Variants in LIMCH1 observed in about 807,000 individuals in gnomAD.
The protein encoded by LIMCH1 is LIM and calponin homology domains-containing protein 1.
A neutral mutation model predicts 176.5 loss-of-function variants in LIMCH1; 113 were observed. That is an observed-to-expected ratio of 0.64 (90% CI 0.55 to 0.75). The LOEUF (loss-of-function observed/expected upper bound fraction) is 0.75. LIMCH1 is among the 30% of genes least tolerant of loss of function. LIMCH1 has a pLI of 0.00. For missense variants in LIMCH1, 1,674 were observed against 1,814.9 expected (o/e 0.92, Z 1.41); for synonymous variants, 619 against 645.9 (o/e 0.96, Z 0.63).
chr4:41,561,485 T>A (rs1469061097), intron 1 of LIMCH1, among the ~76,000 whole-genome samples: 1 of 152,214 alleles, frequency 6.6e-6, no homozygotes, highest in Non-Finnish European at 1.5e-5. Flanking sequence ...CTAATTAGAA[T>A]GTATAGTCGC....
intron 1 of LIMCH1, among the ~76,000 whole-genome samples, chr4:41,474,462 G>C (rs2067433977): frequency 6.6e-6 from 1 of 152,198 alleles, no homozygotes. Context: ...TGTCCAGCCT[G>C]GGCGACAGAG....
At position 41,687,896 on chromosome 4, in the gene LIMCH1, C is replaced by T. The variant is rs140341643; in HGVS notation, c.4145C>T (p.Pro1382Leu). The change falls in exon 29 of 32, where the codon CCT becomes CTT. Residue 1382 changes from proline to leucine, a missense_variant. Transcript: ENST00000503057. ...CCTTTCTCTCCCTGTTCTCCCACCC[C>T]TCCCGGTCAGTCACCAAACAGGTAC... The part of the protein sequence containing the change: ...AGPFSPCSPT[P>L]PGQSPNRSIS... 6.2e-7 allele frequency: 1 copy of T among 1,613,554 alleles called. No individual in the cohort carries two copies. The highest frequency in any genetic ancestry group is 1.1e-5 in the South Asian group (1 of 91,046).
intron 2 of LIMCH1, among the ~76,000 whole-genome samples, chr4:41,514,955 C>T (rs1458350521): frequency 6.6e-6 from 1 of 152,204 alleles, no homozygotes; most frequent in Non-Finnish European, 1.5e-5. Context: ...GAGATTGTGT[C>T]AGCCCCACTG....
intron 2 of LIMCH1, among the ~76,000 whole-genome samples, chr4:41,502,923 A>ACG (rs2073567171): frequency 6.6e-6 from 1 of 151,876 alleles, no homozygotes; most frequent in East Asian, 1.9e-4. Context: ...ACACACACAC[A>ACG]CACACACACA....
chr4:41,529,164 G>A lies in LIMCH1; in HGVS notation c.237+4686G>A, dbSNP rs558280625. Among the ~76,000 whole-genome samples the A allele has an allele frequency of 5.9e-5, 9 of 152,038 alleles. No homozygotes were observed. The South Asian group carries it at 1.7e-3, about 28-fold the overall frequency. On this transcript the variant is annotated intron_variant, in intron 3 of 26. Transcript: ENST00000313860. ...GCTAGCTCATCAGTATTGTACTATCGAGCCACATCTTGAAACTCAATTTAG... is the reference window on the plus strand; with the variant it reads ...GCTAGCTCATCAGTATTGTACTATCAAGCCACATCTTGAAACTCAATTTAG...
intron 1 of LIMCH1, among the ~76,000 whole-genome samples, chr4:41,403,161 G>T (rs2058636939): frequency 6.6e-6 from 1 of 151,698 alleles, no homozygotes; most frequent in Admixed American, 6.6e-5. Flanking sequence ...CTGTAAAAGT[G>T]CCTCAGCTAT....
intron 1 of LIMCH1, among the ~76,000 whole-genome samples, chr4:41,541,725 A>G (rs560099758): frequency 6.6e-6 from 1 of 152,302 alleles, no homozygotes; most frequent in South Asian, 2.1e-4. Context: ...CACAGCAGCC[A>G]TCTGTGAAGA....
At position 41,419,615 on chromosome 4, in the gene LIMCH1, CT is replaced by C. The variant is rs139710656; in HGVS notation, c.96+58681del. 5.0e-3 allele frequency among the ~76,000 whole-genome samples: 439 copies of C among 88,608 alleles called. 20 individuals carry two copies. The highest frequency in any genetic ancestry group is 0.025 in the African/African-American group (320 of 12,618). 58.1% of individuals were successfully genotyped at this position (88,608 alleles called of 152,430 possible). A position where few individuals can be genotyped will look rare whatever the true frequency, so the allele number is the denominator to read the frequency against. ...CCTTCCTTCCTTCCGTCCTTCCTTC[CT>C]TCCTTCCTTCCTTCCTTCCTCCTTC... is the stretch of plus-strand genomic sequence containing the variant. On this transcript the variant is annotated intron_variant, in intron 1 of 26. Coordinates refer to the LIMCH1 transcript ENST00000313860.
chr4:41,646,604 G>T lies in LIMCH1; in HGVS notation c.2531G>T (p.Arg844Leu). Reference sequence around the variant, plus strand: ...ACCATCAGTGAGGCTGTTCTCGAACGCTTGGAGATGCCAAAAATTCTGGAA... The same window carrying T: ...ACCATCAGTGAGGCTGTTCTCGAACTCTTGGAGATGCCAAAAATTCTGGAA... ...RFTISEAVLERLEMPKILERS... is the reference protein window; with the variant it reads ...RFTISEAVLELLEMPKILERS... The change falls in exon 17 of 32, where the codon CGC (arginine) becomes CTC (leucine). Residue 844 changes from arginine to leucine, a missense_variant. By Grantham distance (102) the Arg-to-Leu change is moderately radical (BLOSUM62 -2). This residue lies in a region of LIMCH1 where 1,015 missense variants were observed against 1,102.5 expected (regional missense o/e 0.92). Transcript: ENST00000503057. 3.1e-6 allele frequency: 5 copies of T among 1,614,172 alleles called. No individual in the cohort carries two copies. Among genetic ancestry groups the T allele is most frequent in the Non-Finnish European group, 3.4e-6 (4 of 1,180,034 alleles).
chr4:41,536,964 G>C (rs1314105273), upstream of LIMCH1, among the ~76,000 whole-genome samples: 1 of 152,130 alleles, frequency 6.6e-6, no homozygotes, highest in African/African-American at 2.4e-5. Context: ...TAAGATGTAA[G>C]ACATGAGTTA....
At chr4:41,625,492 C>T (rs1020832904) in intron 7 of LIMCH1, among the ~76,000 whole-genome samples, 4 of 152,090 alleles carry the variant, frequency 2.6e-5, no homozygotes, top group Non-Finnish European at 5.9e-5. Flanking sequence ...TTTTGCTCGC[C>T]GTGAATCTGC....
chr4:41,373,950 C>A (rs2054346784), intron 1 of LIMCH1, among the ~76,000 whole-genome samples: 1 of 152,172 alleles, frequency 6.6e-6, no homozygotes, highest in Admixed American at 6.5e-5. Flanking sequence ...CTCTCTTCCT[C>A]CTGTTCCTAC....
chr4:41,529,335 C>T (rs1254032213), intron 3 of LIMCH1, among the ~76,000 whole-genome samples: 3 of 152,132 alleles, frequency 2.0e-5, no homozygotes, highest in East Asian at 1.9e-4. Flanking sequence ...TGACAGCCGT[C>T]GTGTGTGCAC....
chr4:41,600,570 A>G (rs1399346189), intron 2 of LIMCH1, among the ~76,000 whole-genome samples: 1 of 152,118 alleles, frequency 6.6e-6, no homozygotes, highest in East Asian at 1.9e-4. Context: ...AAAAATTCAA[A>G]TCTCGTATCA....
Position 41,679,922 on chromosome 4 carries a change from T to C in LIMCH1, c.3520-84T>C, listed in dbSNP as rs113788760. The C allele has an allele frequency of 3.9e-5, 30 of 776,640 alleles. No individual in the cohort carries two copies. The African/African-American group carries it at 4.2e-4, about 11-fold the overall frequency. 48.1% of individuals were successfully genotyped at this position (776,640 alleles called of 1,614,324 possible). A position where few individuals can be genotyped will look rare whatever the true frequency, so the allele number is the denominator to read the frequency against. On this transcript the variant is annotated intron_variant, in intron 23 of 31. Coordinates refer to ENST00000503057, the MANE Select transcript of LIMCH1 (RefSeq NM_001330672.2). The stretch of plus-strand genomic sequence containing the variant: ...AAGAAGAAGATAATCTTGCAACATA[T>C]TGTACATGGTGGTTTAGGGGGGAAA...
intron 1 of LIMCH1, among the ~76,000 whole-genome samples, chr4:41,550,585 A>T (rs1241329791): frequency 6.6e-6 from 1 of 152,170 alleles, no homozygotes; most frequent in African/African-American, 2.4e-5. Context: ...GCAACAAAAA[A>T]CTAACAGCCA....
Position 41,433,671 on chromosome 4 carries a change from GTCT to G in LIMCH1, c.97-60860_97-60858del, listed in dbSNP as rs957881447. On this transcript the variant is annotated intron_variant, in intron 1 of 26. Coordinates refer to the LIMCH1 transcript ENST00000313860. ...AAGGAAAAGAAAGCAGAAGCTGTTA[GTCT>G]TCTTTTTTTTTTTTTTTTAAACTTT... Among the ~76,000 whole-genome samples the G allele has an allele frequency of 5.9e-5, 8 of 136,360 alleles. No homozygotes were observed. In the South Asian group the frequency reaches 1.2e-3, roughly 21 times the overall value. The allele number at this position is 136,360 out of a possible 152,430, so 89.5% of individuals were successfully genotyped here.
chr4:41,419,662 T>TTCCTCCC (rs2060382043), intron 1 of LIMCH1, among the ~76,000 whole-genome samples: 1 of 66,254 alleles, frequency 1.5e-5, no homozygotes, highest in African/African-American at 9.4e-5. Context: ...CCTTCCTTCC[T>TTCCTCCC]TCCTTCCTTC....
intron 1 of LIMCH1, among the ~76,000 whole-genome samples, chr4:41,455,672 C>T (rs1287268196): frequency 1.3e-5 from 2 of 152,288 alleles, no homozygotes; most frequent in East Asian, 1.9e-4. Flanking sequence ...AGCTGTATGG[C>T]AAACATGCTG....
Sources: gnomAD v4.1 joint callset for allele counts (sites outside exome capture counted in the v4.1 genomes callset) on GRCh38, gnomAD v4.1.1 for gene constraint, gnomAD v4.1.1 regional missense constraint, MANE v1.5 for transcripts, NCBI Gene and HGNC (gene_info 2026-07-23, HGNC 2026-07-21) for gene names.